The following AGBL1 variants were observed in gnomAD, a reference collection of about 807,000 sequenced individuals.
AGBL1 encodes cytosolic carboxypeptidase 4.
AGBL1 carries 130 observed loss-of-function variants against 118.9 expected under a neutral mutation model. The ratio of observed to expected loss-of-function variants is 1.09; its 90% CI spans 0.95 to 1.26. The LOEUF (loss-of-function observed/expected upper bound fraction) is 1.26. Among genes scored for constraint, AGBL1 ranks in the 50% most tolerant of loss-of-function variants. The pLI is 0.00. For synonymous variants in AGBL1, 555 were observed against 478.9 expected, an observed-to-expected ratio of 1.16 and a Z score of -2.08; for missense variants, 1,584 against 1,298.1, an observed-to-expected ratio of 1.22 and a Z score of -3.38.
chr15:86,640,587 T>C (rs1596329719), intron 21 of AGBL1, among the ~76,000 whole-genome samples: 1 of 152,152 alleles, frequency 6.6e-6, no homozygotes, highest in African/African-American at 2.4e-5. Flanking sequence ...GGTAAAATAA[T>C]ATTCCACTCA....
chr15:86,339,674 A>C (rs1425295695), intron 17 of AGBL1, among the ~76,000 whole-genome samples: 1 of 152,086 alleles, frequency 6.6e-6, no homozygotes, highest in Admixed American at 6.5e-5. Context: ...TTCAGTTCTA[A>C]AGTTTTTATT....
At chr15:86,845,321 T>G (rs1418750932) in intron 22 of AGBL1, among the ~76,000 whole-genome samples, 1 of 152,138 alleles carries the variant, frequency 6.6e-6, no homozygotes, top group Admixed American at 6.5e-5. Context: ...TTATAGGCAG[T>G]GATTGAGATG....
In AGBL1 at chr15:86,976,728, AT is replaced by A. The variant is rs372958085; in HGVS notation, c.3222-11250del. ...CAAAGTTGATAGACAAAATTTGTAG[AT>A]TTTTTTTTAAATTCGTATCTTTTTT... On this transcript the variant is annotated intron_variant, in intron 23 of 24. Coordinates refer to the AGBL1 transcript ENST00000441037. Among the ~76,000 whole-genome samples, 750 of 151,656 alleles carry A rather than the reference AT, an allele frequency of 4.9e-3. 9 individuals carry two copies. Among genetic ancestry groups the A allele is most frequent in the African/African-American group, 0.017 (708 of 41,406 alleles).
chr15:86,168,199 G>A (rs2077368255), intron 5 of AGBL1, among the ~76,000 whole-genome samples: 1 of 152,164 alleles, frequency 6.6e-6, no homozygotes, highest in African/African-American at 2.4e-5. Context: ...ACATTAGCAT[G>A]TAAACAAATA....
intron 20 of AGBL1, among the ~76,000 whole-genome samples, chr15:86,551,404 A>G (rs976742235): frequency 1.3e-5 from 2 of 152,174 alleles, no homozygotes; most frequent in African/African-American, 2.4e-5. Context: ...AAGAAGGGGC[A>G]TCACTACAGA....
At chr15:86,788,428 G>A (rs971007736) in intron 22 of AGBL1, among the ~76,000 whole-genome samples, 2 of 152,136 alleles carry the variant, frequency 1.3e-5, no homozygotes, top group Non-Finnish European at 2.9e-5. Context: ...CTCTAATGAA[G>A]TCACTGCAAG....
At chr15:86,097,724 C>A (rs900065527) in intron 1 of AGBL1, among the ~76,000 whole-genome samples, 8 of 152,226 alleles carry the variant, frequency 5.3e-5, no homozygotes, top group Admixed American at 1.3e-4. Flanking sequence ...TTTATCCATT[C>A]ATTCCCTGAT....
At chr15:86,190,189 A>T (rs2077696941) in intron 5 of AGBL1, among the ~76,000 whole-genome samples, 1 of 152,208 alleles carries the variant, frequency 6.6e-6, no homozygotes, top group African/African-American at 2.4e-5. Context: ...ATATTAATAT[A>T]GCATGATGAA....
chr15:86,727,812 C>G (rs749033618), intron 22 of AGBL1, among the ~76,000 whole-genome samples: 1 of 152,142 alleles, frequency 6.6e-6, no homozygotes, highest in Non-Finnish European at 1.5e-5. Flanking sequence ...TTGTGTATCC[C>G]TTCATTTTAT....
At chr15:86,203,474 G>A (rs1375147776) in intron 5 of AGBL1, among the ~76,000 whole-genome samples, 1 of 152,154 alleles carries the variant, frequency 6.6e-6, no homozygotes, top group Non-Finnish European at 1.5e-5. Flanking sequence ...CAGTATCTGT[G>A]TATTTCTCAA....
At chr15:86,260,291 CA>C (rs2142022349) in intron 9 of AGBL1, among the ~76,000 whole-genome samples, 1 of 152,322 alleles carries the variant, frequency 6.6e-6, no homozygotes, top group East Asian at 1.9e-4. Flanking sequence ...GTGGCCTTCC[CA>C]TTTGACAATC....
chr15:86,080,056 C>T (rs964745745), intron 1 of AGBL1, 33 bp downstream of exon 1: 48 of 1,231,246 alleles, frequency 3.9e-5, no homozygotes, highest in East Asian at 2.8e-4. Flanking sequence ...CAGAACCCGG[C>T]GGGCTGGGTG....
chr15:86,346,141 C>T (rs913073188), intron 17 of AGBL1, among the ~76,000 whole-genome samples: 1 of 151,572 alleles, frequency 6.6e-6, no homozygotes, highest in Non-Finnish European at 1.5e-5. Flanking sequence ...TGCCACCATA[C>T]CCAGCTAATT....
intron 23 of AGBL1, among the ~76,000 whole-genome samples, chr15:86,932,203 C>A (rs922507319): frequency 6.6e-6 from 1 of 152,156 alleles, no homozygotes; most frequent in Non-Finnish European, 1.5e-5. Context: ...TTTGAAGAGC[C>A]CTGTTATATC....
intron 18 of AGBL1, among the ~76,000 whole-genome samples, chr15:86,504,738 T>C (rs968832677): frequency 6.6e-5 from 10 of 151,718 alleles, no homozygotes; most frequent in South Asian, 2.1e-4. Flanking sequence ...TCTTCATATA[T>C]TGTAGACACA....
At chr15:86,608,192 G>T (rs890172676) in intron 21 of AGBL1, among the ~76,000 whole-genome samples, 1 of 152,102 alleles carries the variant, frequency 6.6e-6, no homozygotes. Context: ...TTCTCATCCT[G>T]CAGTTCAGGT....
intron 18 of AGBL1, among the ~76,000 whole-genome samples, chr15:86,431,850 G>C (rs1288535652): frequency 6.6e-6 from 1 of 152,134 alleles, no homozygotes. Flanking sequence ...CCCGGTTGCT[G>C]TGACATGGGA....
At chr15:86,790,105 T>C (rs116983267) in intron 22 of AGBL1, among the ~76,000 whole-genome samples, 1 of 152,276 alleles carries the variant, frequency 6.6e-6, no homozygotes, top group East Asian at 1.9e-4. Context: ...TGAAAAACTT[T>C]CTGAAGAAGG....
intron 24 of AGBL1, among the ~76,000 whole-genome samples, chr15:87,010,112 C>G (rs138774613): frequency 1.3e-5 from 2 of 152,110 alleles, no homozygotes; most frequent in Admixed American, 1.3e-4. Flanking sequence ...TATGGTTTGG[C>G]TGTCTCACCA....
Sources: gnomAD v4.1 joint callset for allele counts (sites outside exome capture counted in the v4.1 genomes callset) on GRCh38, gnomAD v4.1.1 for gene constraint, MANE v1.5 for transcripts, NCBI Gene and HGNC (gene_info 2026-07-23, HGNC 2026-07-21) for gene names.